The following RBFOX1 variants were observed in gnomAD, a reference collection of about 807,000 sequenced individuals.
RBFOX1 encodes RNA binding fox-1 homolog 1, also known as RNA binding protein fox-1 homolog 1.
In RBFOX1, 8 loss-of-function variants were observed where a neutral mutation model predicts 57.7. The ratio of observed to expected loss-of-function variants is 0.14; its 90% CI spans 0.08 to 0.25. The LOEUF (loss-of-function observed/expected upper bound fraction) is 0.25. Ranked by LOEUF, RBFOX1 falls within the 10% of genes least tolerant of loss-of-function variation. RBFOX1 has a pLI of 1.00. For missense variants in RBFOX1, 611 were observed against 548.5 expected, an observed-to-expected ratio of 1.11 and a Z score of -1.14; for synonymous variants, 326 against 222.4, an observed-to-expected ratio of 1.47 and a Z score of -4.15.
chr16:6,920,702 C>T (rs1307741228), intron 3 of RBFOX1, among the ~76,000 whole-genome samples: 3 of 152,168 alleles, frequency 2.0e-5, no homozygotes, highest in African/African-American at 7.2e-5. Flanking sequence ...TCATTGGCAC[C>T]CCTTGGCTTG....
chr16:6,245,455 A>G (rs2097563951), intron 1 of RBFOX1, among the ~76,000 whole-genome samples: 1 of 152,142 alleles, frequency 6.6e-6, no homozygotes, highest in South Asian at 2.1e-4. Context: ...CACTTTGTAG[A>G]GTGCAGACCC....
In RBFOX1 at chr16:7,198,262, C is replaced by A. The variant is rs546168240; in HGVS notation, c.27+146164C>A. ...CGTCGTGATCTGCCTGCCTTGGACT[C>A]CCAAAGTCCTGGGATTACAGGCGTA... On this transcript the variant is annotated intron_variant, in intron 4 of 15. Transcript: ENST00000550418. Among the ~76,000 whole-genome samples the A allele has an allele frequency of 7.9e-5, 12 of 152,184 alleles. No individual in the cohort carries two copies. The South Asian group carries it at 2.1e-3, about 26-fold the overall frequency.
chr16:6,925,237 A>C (rs1238411631), intron 3 of RBFOX1, among the ~76,000 whole-genome samples: 1 of 142,396 alleles, frequency 7.0e-6, no homozygotes, highest in Non-Finnish European at 1.5e-5. Context: ...GGGCTCAAGC[A>C]ATTGTCGTAC....
rs17143526 is a variant in RBFOX1 at position 7,379,228 on chromosome 16, T to G, written c.28-138919T>G. Among the ~76,000 whole-genome samples the G allele has an allele frequency of 4.5e-3, 687 of 152,324 alleles. 6 individuals are homozygous for G. Among genetic ancestry groups the G allele is most frequent in the African/African-American group, 0.016 (651 of 41,554 alleles). On this transcript the variant is annotated intron_variant, in intron 4 of 15. Coordinates refer to ENST00000550418, the MANE Select transcript of RBFOX1 (RefSeq NM_018723.4). ...AAAAAAGCTGAGACTGAATGACGTT[T>G]AGCTTTTTGATTTCACCATAAACTA...
intron 4 of RBFOX1, among the ~76,000 whole-genome samples, chr16:7,414,508 T>G (rs2149192972): frequency 6.6e-6 from 1 of 152,330 alleles, no homozygotes. Context: ...ATCTTGAGTG[T>G]TTTTCTTTTG....
chr16:7,713,236 T>C lies in RBFOX1; in HGVS notation c.*2491T>C, dbSNP rs1387740932. ...GCAATCTGCAAACCCAGAAAATGTG[T>C]ATATCTGTCTTTAGAAATTAGTGTT... On this transcript the variant is annotated 3_prime_UTR_variant, in exon 16 of 16. Coordinates refer to ENST00000550418, the MANE Select transcript of RBFOX1 (RefSeq NM_018723.4). 1 of 152,232 alleles carries C rather than the reference T, an allele frequency of 6.6e-6. No homozygotes were observed. The highest frequency in any genetic ancestry group is 2.4e-5 in the African/African-American group (1 of 41,460). The allele number at this position is 152,232 out of a possible 1,614,324, so 9.4% of individuals were successfully genotyped here.
intron 4 of RBFOX1, among the ~76,000 whole-genome samples, chr16:7,393,894 A>T (rs1159135993): frequency 6.6e-6 from 1 of 152,136 alleles, no homozygotes; most frequent in Non-Finnish European, 1.5e-5. Context: ...CGTCAGCAGG[A>T]AGATGGTTCA....
chr16:6,125,054 A>G (rs1046603016), intron 1 of RBFOX1, among the ~76,000 whole-genome samples: 2 of 152,016 alleles, frequency 1.3e-5, no homozygotes, highest in African/African-American at 4.8e-5. Context: ...TCACCTAGAC[A>G]AGTGATCCCC....
intron 1 of RBFOX1, among the ~76,000 whole-genome samples, chr16:5,346,083 C>T (rs1232938189): frequency 6.6e-6 from 1 of 152,186 alleles, no homozygotes; most frequent in African/African-American, 2.4e-5. Context: ...CAGCCCACTA[C>T]CTGGTGAAGG....
At chr16:6,745,090 G>T (rs535851539) in intron 3 of RBFOX1, among the ~76,000 whole-genome samples, 30 of 152,084 alleles carry the variant, frequency 2.0e-4, no homozygotes, top group African/African-American at 7.0e-4. Context: ...AGGGTGAAAT[G>T]GGTAAATTCC....
chr16:5,512,513 A>G (rs80023532), intron 2 of RBFOX1, among the ~76,000 whole-genome samples: 4 of 152,096 alleles, frequency 2.6e-5, no homozygotes, highest in Admixed American at 2.6e-4. Flanking sequence ...AAACACAATC[A>G]TCACAATCAT....
At chr16:6,633,621 G>C (rs1454065060) in intron 2 of RBFOX1, among the ~76,000 whole-genome samples, 2 of 152,096 alleles carry the variant, frequency 1.3e-5, no homozygotes, top group Non-Finnish European at 1.5e-5. Context: ...TAAATCAACA[G>C]ACTGTTTAAC....
chr16:5,597,759 C>G (rs1021746260), intron 2 of RBFOX1, among the ~76,000 whole-genome samples: 4 of 152,054 alleles, frequency 2.6e-5, no homozygotes, highest in African/African-American at 9.7e-5. Context: ...TTAACATGCT[C>G]CTGCGCTGTA....
chr16:7,652,929 G>A (rs999635295), intron 11 of RBFOX1, among the ~76,000 whole-genome samples: 2 of 152,154 alleles, frequency 1.3e-5, no homozygotes, highest in African/African-American at 2.4e-5. Context: ...TGTACATGAA[G>A]GAAACTGGAA....
In RBFOX1 at chr16:5,284,855, C is replaced by T. The variant is rs11643587; in HGVS notation, c.219+44750C>T. Among the ~76,000 whole-genome samples, 5 of 136,568 alleles carry T rather than the reference C, an allele frequency of 3.7e-5. No homozygotes were observed. In the East Asian group the frequency reaches 9.4e-4, roughly 26 times the overall value. 89.6% of individuals were successfully genotyped at this position (136,568 alleles called of 152,430 possible). A position where few individuals can be genotyped will look rare whatever the true frequency, so the allele number is the denominator to read the frequency against. On this transcript the variant is annotated intron_variant, in intron 1 of 2. Coordinates refer to the RBFOX1 transcript ENST00000585867. ...CCCCTGTTAGCCTGATGGAGATTCTCTTATAAGGGACTTCATGCTTTTCTC... is the reference window on the plus strand; with the variant it reads ...CCCCTGTTAGCCTGATGGAGATTCTTTTATAAGGGACTTCATGCTTTTCTC...
intron 3 of RBFOX1, among the ~76,000 whole-genome samples, chr16:5,783,065 T>A (rs1202918739): frequency 6.6e-6 from 1 of 152,188 alleles, no homozygotes; most frequent in Non-Finnish European, 1.5e-5. Context: ...TTTCACCAAA[T>A]ATCTTAGCAT....
rs941321734 is a variant in RBFOX1, at chr16:7,479,120, T to TC, written c.28-39027_28-39026insC. Among the ~76,000 whole-genome samples, 12 of 145,850 alleles carry TC rather than the reference T, an allele frequency of 8.2e-5. 1 individual carries two copies. The East Asian group carries it at 2.2e-3, about 27-fold the overall frequency. On this transcript the variant is annotated intron_variant, in intron 4 of 15. Transcript: ENST00000550418. ...GTGGATCAAAACCCAGTTTTGTTTT[T>TC]TTTTTTTTAATTTTAATTTTAGGGA...
In RBFOX1 at chr16:7,511,717, G is replaced by A. The variant is rs115703466; in HGVS notation, c.28-6430G>A. Among the ~76,000 whole-genome samples the A allele has an allele frequency of 6.3e-3, 961 of 152,214 alleles. 13 individuals are homozygous for A. Among genetic ancestry groups the A allele is most frequent in the African/African-American group, 0.022 (909 of 41,506 alleles). ...AAAGCTACACGTTGGGGTGTCTTAAGTAATGACAGGTTTCCATCATCCTGC... is the reference window on the plus strand; with the variant it reads ...AAAGCTACACGTTGGGGTGTCTTAAATAATGACAGGTTTCCATCATCCTGC... On this transcript the variant is annotated intron_variant, in intron 4 of 15. Coordinates refer to ENST00000550418, the MANE Select transcript of RBFOX1 (RefSeq NM_018723.4).
chr16:6,736,027 A>G (rs12935713), intron 3 of RBFOX1, among the ~76,000 whole-genome samples: 152,027 of 152,030 alleles, frequency 1, 76,012 homozygotes, highest in Middle Eastern at 1. Flanking sequence ...AGGGATTTAG[A>G]ATTTTCAGCA....
Sources: gnomAD v4.1 joint callset for allele counts (sites outside exome capture counted in the v4.1 genomes callset) on GRCh38, gnomAD v4.1.1 for gene constraint, MANE v1.5 for transcripts, NCBI Gene and HGNC (gene_info 2026-07-23, HGNC 2026-07-21) for gene names.